BBS9: variants seen among roughly 807,000 people sequenced by gnomAD.
BBS9 encodes Bardet-Biedl syndrome 9.
Under a neutral mutation model 117.7 loss-of-function variants are expected in BBS9, and 89 were observed. The ratio of observed to expected loss-of-function variants is 0.76; its 90% confidence interval spans 0.64 to 0.90. The LOEUF is 0.90. Ranked by LOEUF, BBS9 falls within the 40% of genes least tolerant of loss-of-function variation. The pLI is 0.00. For synonymous variants in BBS9, 379 were observed against 370.9 expected, an observed-to-expected ratio of 1.02 and a Z score of -0.25; for missense variants, 982 against 1,042.2, an observed-to-expected ratio of 0.94 and a Z score of 0.80.
Position 33,476,752 on chromosome 7 carries a change from A to T in BBS9, c.2116-28711A>T, listed in dbSNP as rs146362004. ...TGTTTTCTTGATTAAACTCATGCTG[A>T]TGTGAAACTGTCAACCCCAACTGTC... is the stretch of plus-strand genomic sequence containing the variant. On this transcript the variant is annotated intron_variant, in intron 19 of 22. Coordinates refer to ENST00000242067, the MANE Select transcript of BBS9 (RefSeq NM_198428.3). Among the ~76,000 whole-genome samples the T allele has an allele frequency of 6.3e-3, 956 of 152,356 alleles. 12 individuals are homozygous for T. The highest frequency in any genetic ancestry group is 0.022 in the African/African-American group (921 of 41,592).
intron 2 of BBS9, among the ~76,000 whole-genome samples, chr7:33,147,864 G>T (rs368771152): frequency 3.9e-5 from 6 of 152,222 alleles, no homozygotes; most frequent in Admixed American, 3.9e-4. Context: ...TCTGTTTTCC[G>T]AAGCTTGCTA....
At chr7:33,330,029 T>C (rs1813693109) in intron 9 of BBS9, among the ~76,000 whole-genome samples, 1 of 152,146 alleles carries the variant, frequency 6.6e-6, no homozygotes, top group Non-Finnish European at 1.5e-5. Flanking sequence ...TGTTTTTTTT[T>C]TGGAGACAGA....
intron 19 of BBS9, among the ~76,000 whole-genome samples, chr7:33,488,355 T>G (rs1217609384): frequency 6.6e-6 from 1 of 152,224 alleles, no homozygotes; most frequent in Non-Finnish European, 1.5e-5. Context: ...CTTGACATTT[T>G]GCATTTTTTC....
chr7:33,351,172 A>T (rs1368126145), intron 13 of BBS9, 47 bp from the exon 14 acceptor site: 2 of 1,293,590 alleles, frequency 1.5e-6, no homozygotes, highest in Admixed American at 3.4e-5. Flanking sequence ...TGTTAATAAC[A>T]GTTGCCCCAA....
At chr7:33,417,547 G>T (rs1272611606) in intron 19 of BBS9, among the ~76,000 whole-genome samples, 1 of 152,178 alleles carries the variant, frequency 6.6e-6, no homozygotes, top group East Asian at 1.9e-4. Context: ...TGAACAATTT[G>T]TAGTGACTAC....
intron 21 of BBS9, among the ~76,000 whole-genome samples, chr7:33,538,663 T>C (rs984492661): frequency 3.9e-5 from 6 of 152,156 alleles, no homozygotes; most frequent in Admixed American, 3.3e-4. Flanking sequence ...ACATTTTGAA[T>C]TTTTATAAGT....
Position 33,151,849 on chromosome 7 carries a change from C to CA in BBS9, c.113-852_113-851insA, listed in dbSNP as rs1562684987. ...TACAGGCATGAGCCACTGCACCCAGCCTTTTTTTTTTTTTTTTTTTTTTTC... is the reference window on the plus strand; with the variant it reads ...TACAGGCATGAGCCACTGCACCCAGCACTTTTTTTTTTTTTTTTTTTTTTTC... On this transcript the variant is annotated intron_variant, in intron 2 of 22. Coordinates refer to ENST00000242067, the MANE Select transcript of BBS9 (RefSeq NM_198428.3). 1.0e-3 allele frequency among the ~76,000 whole-genome samples: 123 copies of CA among 122,154 alleles called. 1 individual carries two copies. In the Middle Eastern group the frequency reaches 0.033, roughly 32 times the overall value. 80.1% of individuals were successfully genotyped at this position (122,154 alleles called of 152,430 possible).
At chr7:33,351,984 G>C (rs539788193) in intron 14 of BBS9, 2 of 154,214 alleles carry the variant, frequency 1.3e-5, no homozygotes, top group East Asian at 1.9e-4. Context: ...AGTTCTTCTG[G>C]GTTCTGGGTT....
chr7:33,169,021 T>C (rs1796120632), intron 4 of BBS9, among the ~76,000 whole-genome samples: 1 of 151,340 alleles, frequency 6.6e-6, no homozygotes, highest in Non-Finnish European at 1.5e-5. Context: ...CCATGTGATC[T>C]CATTGTTCAA....
intron 20 of BBS9, among the ~76,000 whole-genome samples, chr7:33,514,429 A>G (rs903353911): frequency 3.3e-5 from 5 of 152,146 alleles, no homozygotes; most frequent in Admixed American, 6.6e-5. Context: ...AGTTTGATGG[A>G]AAACATAGTC....
chr7:33,512,446 C>T (rs1337955736), intron 20 of BBS9, among the ~76,000 whole-genome samples: 3 of 152,132 alleles, frequency 2.0e-5, no homozygotes, highest in Non-Finnish European at 4.4e-5. Context: ...ATTGAAGCAT[C>T]ACTTTCTCTG....
intron 19 of BBS9, among the ~76,000 whole-genome samples, chr7:33,408,156 C>G (rs1044362288): frequency 2.0e-5 from 3 of 152,240 alleles, no homozygotes; most frequent in Non-Finnish European, 2.9e-5. Context: ...CGCCCCTCCC[C>G]CAGCCTCGCT....
intron 4 of BBS9, among the ~76,000 whole-genome samples, chr7:33,176,842 A>G (rs1797395963): frequency 6.6e-6 from 1 of 152,204 alleles, no homozygotes; most frequent in Non-Finnish European, 1.5e-5. Context: ...TAAAATACAG[A>G]TAAATACTCT....
intron 19 of BBS9, among the ~76,000 whole-genome samples, chr7:33,433,078 A>G (rs1469458996): frequency 2.0e-5 from 3 of 152,196 alleles, no homozygotes; most frequent in Non-Finnish European, 4.4e-5. Flanking sequence ...CCAGTACCAC[A>G]TGCTAGGAGG....
At chr7:33,370,617 C>T (rs540863247) in intron 17 of BBS9, among the ~76,000 whole-genome samples, 8 of 152,236 alleles carry the variant, frequency 5.3e-5, no homozygotes, top group South Asian at 2.1e-4. Flanking sequence ...AATATTTCTG[C>T]GTGGATGTCT....
At chr7:33,542,787 A>G (rs1433049078) in intron 21 of BBS9, among the ~76,000 whole-genome samples, 2 of 120,978 alleles carry the variant, frequency 1.7e-5, no homozygotes, top group Non-Finnish European at 3.4e-5. Flanking sequence ...ATATATATAT[A>G]TGTACACACA....
At chr7:33,529,534 G>C (rs987048718) in intron 20 of BBS9, among the ~76,000 whole-genome samples, 5 of 152,064 alleles carry the variant, frequency 3.3e-5, no homozygotes, top group African/African-American at 1.2e-4. Context: ...TTCCAATAAC[G>C]ACAAGGGCTG....
intron 21 of BBS9, among the ~76,000 whole-genome samples, chr7:33,574,725 A>ACACACACACACACG (rs1251263949): frequency 1.6e-5 from 2 of 125,840 alleles, no homozygotes; most frequent in Non-Finnish European, 3.2e-5. Flanking sequence ...ACACACACAC[A>ACACACACACACACG]CGCGCACACA....
intron 9 of BBS9, among the ~76,000 whole-genome samples, chr7:33,327,743 G>A (rs958492781): frequency 5.0e-4 from 76 of 152,100 alleles, no homozygotes; most frequent in African/African-American, 1.8e-3. Context: ...ATGCAGTAGT[G>A]TACTTGGTGA....
Sources: gnomAD v4.1 joint callset for allele counts (sites outside exome capture counted in the v4.1 genomes callset) on GRCh38, gnomAD v4.1.1 for gene constraint, MANE v1.5 for transcripts, NCBI Gene and HGNC (gene_info 2026-07-23, HGNC 2026-07-21) for gene names.